The following E2F3 variants were observed in gnomAD, a reference collection of about 807,000 sequenced individuals.
The protein encoded by E2F3 is transcription factor E2F3.
A neutral mutation model predicts 44.4 loss-of-function variants in E2F3; 11 were observed. The observed-to-expected ratio is 0.25, with a 90% CI of 0.16 to 0.41. The LOEUF (loss-of-function observed/expected upper bound fraction) is 0.41, where lower values mean the gene tolerates loss of function less well. E2F3 is among the 10% of genes least tolerant of loss of function. E2F3 has a pLI of 1.00. For missense variants in E2F3, 487 were observed against 583.6 expected (o/e 0.83, Z 1.70); for synonymous variants, 249 against 253.0 (o/e 0.98, Z 0.15).
In E2F3 at chr6:20,472,070, T is replaced by A. The variant is rs376862726; in HGVS notation, c.394-7776T>A. The stretch of plus-strand genomic sequence containing the variant: ...CACACACACACACACACACACACAC[T>A]CACATCTATCCCTTCTGCAGGTTGG... On this transcript the variant is annotated intron_variant, in intron 1 of 6. Transcript: ENST00000346618. 7.0e-3 allele frequency among the ~76,000 whole-genome samples: 536 copies of A among 76,708 alleles called. 1 individual carries two copies. The highest frequency in any genetic ancestry group is 0.016 in the African/African-American group (346 of 22,018). The allele number at this position is 76,708 out of a possible 152,430, so 50.3% of individuals were successfully genotyped here.
intron 1 of E2F3, among the ~76,000 whole-genome samples, chr6:20,419,158 A>G (rs2127589055): frequency 6.6e-6 from 1 of 152,332 alleles, no homozygotes; most frequent in East Asian, 1.9e-4. Context: ...TCTTTGTAAT[A>G]GCTGCGCTGC....
chr6:20,423,101 C>G (rs888891791), intron 1 of E2F3, among the ~76,000 whole-genome samples: 1 of 152,144 alleles, frequency 6.6e-6, no homozygotes, highest in Non-Finnish European at 1.5e-5. Context: ...TGATGTATTT[C>G]TTTCTACATA....
chr6:20,402,290 G>A lies in E2F3; in HGVS notation c.58G>A (p.Glu20Lys), dbSNP rs902734430. Residue 20 changes from glutamate (E) to lysine (K), a missense_variant, in exon 1 of 7, where the codon GAG (glutamate) becomes AAG (lysine). Glu to Lys is a moderately conservative substitution (Grantham distance 56, BLOSUM62 1). Coordinates refer to ENST00000346618, the MANE Select transcript of E2F3 (RefSeq NM_001949.5). This position sits in a 1 kb window ranked among gnomAD's most constrained non-coding sequence, Gnocchi z 5.6. The part of the protein sequence containing the change: ...EQYLVTAGGG[E>K]GAAVVAAAAA... ...GTACCTGGTGACCGCCGGGGGTGGGGAGGGGGCGGCTGTCGTCGCCGCCGC... is the reference window on the plus strand; with the variant it reads ...GTACCTGGTGACCGCCGGGGGTGGGAAGGGGGCGGCTGTCGTCGCCGCCGC... 26 of 1,609,114 alleles carry A rather than the reference G, an allele frequency of 1.6e-5. No individual in the cohort carries two copies. The highest frequency in any genetic ancestry group is 2.0e-5 in the Non-Finnish European group (24 of 1,178,830).
chr6:20,424,210 G>GGTATGTGTGT (rs58738322), intron 1 of E2F3, among the ~76,000 whole-genome samples: 6,817 of 136,914 alleles, frequency 0.05, 342 homozygotes, highest in African/African-American at 0.11. Flanking sequence ...TCAGTGGAAG[G>GGTATGTGTGT]GTGTGTGTGT....
rs1762570609 is a variant in E2F3, at chr6:20,492,161, A to C, written c.*1731A>C. 1.8e-5 allele frequency: 4 copies of C among 224,570 alleles called. No homozygotes were observed. The highest frequency in any genetic ancestry group is 2.7e-5 in the Non-Finnish European group (3 of 112,738). The allele number at this position is 224,570 out of a possible 1,614,324, so 13.9% of individuals were successfully genotyped here. On this transcript the variant is annotated 3_prime_UTR_variant, in exon 7 of 7. Transcript: ENST00000346618. ...AAATATCCCTTAGGAAAAAAAAAAA[A>C]CACACAAAAAACCACAAGAGCCCCA...
At chr6:20,463,722 A>G (rs1750614662) in intron 1 of E2F3, among the ~76,000 whole-genome samples, 1 of 152,180 alleles carries the variant, frequency 6.6e-6, no homozygotes, top group Non-Finnish European at 1.5e-5. Flanking sequence ...TTCCCTAGAC[A>G]TCAAGCAAGC....
intron 1 of E2F3, among the ~76,000 whole-genome samples, chr6:20,469,490 G>A (rs1761820946): frequency 6.6e-6 from 1 of 152,096 alleles, no homozygotes; most frequent in Non-Finnish European, 1.5e-5. Context: ...TTTTTTAATT[G>A]TCTTAAATTA....
At chr6:20,415,519 C>T (rs376032869) in intron 1 of E2F3, among the ~76,000 whole-genome samples, 1 of 152,152 alleles carries the variant, frequency 6.6e-6, no homozygotes, top group Non-Finnish European at 1.5e-5. Flanking sequence ...TAACAACAAT[C>T]GAAATTATCT....
At chr6:20,477,121 A>G (rs1411165875) in intron 1 of E2F3, among the ~76,000 whole-genome samples, 3 of 152,084 alleles carry the variant, frequency 2.0e-5, no homozygotes, top group Non-Finnish European at 4.4e-5. Flanking sequence ...AACTTAACTA[A>G]TAGCCTGTTG....
intron 1 of E2F3, among the ~76,000 whole-genome samples, chr6:20,407,332 C>T (rs1311136280): frequency 3.3e-5 from 5 of 152,190 alleles, no homozygotes; most frequent in African/African-American, 7.2e-5. Context: ...CTCTAATCAT[C>T]CTCTGAAACA....
At chr6:20,419,032 TATTTATATAAAA>T in intron 1 of E2F3, among the ~76,000 whole-genome samples, 1 of 152,196 alleles carries the variant, frequency 6.6e-6, no homozygotes, top group Non-Finnish European at 1.5e-5. Context: ...ATCTATATTT[TATTTATATAAAA>T]GTAAAAATGA....
Position 20,402,633 on chromosome 6 carries a change from C to T in E2F3, c.393+8C>T. On this transcript the variant is annotated splice_region_variant and intron_variant, in intron 1 of 6. Coordinates refer to ENST00000346618, the MANE Select transcript of E2F3 (RefSeq NM_001949.5). The surrounding 1 kb of genome is among the most constrained non-coding windows in gnomAD (Gnocchi z 5.6). Reference sequence around the variant, plus strand: ...GGCGGCGGCGGCCCTCCGGTAATACCCTCCCTCCCCACCGTCCCCAGCCCC... The same window carrying T: ...GGCGGCGGCGGCCCTCCGGTAATACTCTCCCTCCCCACCGTCCCCAGCCCC... 1 of 1,330,380 alleles carries T rather than the reference C, an allele frequency of 7.5e-7. No individual in the cohort carries two copies. Among genetic ancestry groups the T allele is most frequent in the Non-Finnish European group, 9.5e-7 (1 of 1,048,998 alleles). 82.4% of individuals were successfully genotyped at this position (1,330,380 alleles called of 1,614,324 possible). A position where few individuals can be genotyped will look rare whatever the true frequency, so the allele number is the denominator to read the frequency against.
chr6:20,478,031 A>C (rs892554963), intron 1 of E2F3, among the ~76,000 whole-genome samples: 5 of 113,896 alleles, frequency 4.4e-5, no homozygotes, highest in Admixed American at 2.4e-4. Context: ...ATCTCTACCC[A>C]AAAAAAAAAA....
intron 1 of E2F3, among the ~76,000 whole-genome samples, chr6:20,456,470 A>G (rs2127603802): frequency 6.6e-6 from 1 of 152,366 alleles, no homozygotes; most frequent in African/African-American, 2.4e-5. Context: ...GCATTCTCCT[A>G]AATTGGAATG....
chr6:20,484,282 A>G (rs1291925874), intron 4 of E2F3, among the ~76,000 whole-genome samples: 1 of 152,230 alleles, frequency 6.6e-6, no homozygotes, highest in East Asian at 1.9e-4. Context: ...TTAAGTTTGT[A>G]AGATTAGAAA....
Position 20,402,689 on chromosome 6 carries a change from C to T in E2F3, c.393+64C>T. On this transcript the variant is annotated intron_variant, in intron 1 of 6. Coordinates refer to ENST00000346618, the MANE Select transcript of E2F3 (RefSeq NM_001949.5). The surrounding 1 kb of genome is among the most constrained non-coding windows in gnomAD (Gnocchi z 5.6). Reference sequence around the variant, plus strand: ...GAGGTGGGCTCGCACCGCGCGGGGTCGTGGGCGCGCTGCGGGCCGCTCGGG... The same window carrying T: ...GAGGTGGGCTCGCACCGCGCGGGGTTGTGGGCGCGCTGCGGGCCGCTCGGG... 1 of 1,276,110 alleles carries T rather than the reference C, an allele frequency of 7.8e-7. No homozygotes were observed. 79.0% of individuals were successfully genotyped at this position (1,276,110 alleles called of 1,614,324 possible).
intron 1 of E2F3, among the ~76,000 whole-genome samples, chr6:20,457,374 A>G (rs1761345263): frequency 8.3e-6 from 1 of 120,266 alleles, no homozygotes; most frequent in Admixed American, 9.2e-5. Flanking sequence ...TTTTTAGTAG[A>G]GATGGGGTTT....
intron 4 of E2F3, among the ~76,000 whole-genome samples, chr6:20,485,116 C>T (rs1762349101): frequency 6.6e-6 from 1 of 152,050 alleles, no homozygotes; most frequent in Admixed American, 6.6e-5. Context: ...TTGTTACTTG[C>T]TGTTTTATCC....
chr6:20,448,923 A>G (rs1761037377), intron 1 of E2F3, among the ~76,000 whole-genome samples: 1 of 152,224 alleles, frequency 6.6e-6, no homozygotes, highest in African/African-American at 2.4e-5. Context: ...TGAATGATCC[A>G]GTAAAACTAA....
Sources: allele counts gnomAD v4.1 joint callset (sites outside exome capture counted in the v4.1 genomes callset), GRCh38; gene constraint gnomAD v4.1.1; non-coding constraint Gnocchi (gnomAD v3.1); transcripts MANE v1.5; gene names NCBI Gene and HGNC (gene_info 2026-07-23, HGNC 2026-07-21).